CACNG8: variants seen among roughly 807,000 people sequenced by gnomAD.
The protein encoded by CACNG8 is calcium voltage-gated channel auxiliary subunit gamma 8, also known as voltage-dependent calcium channel gamma-8 subunit.
Under a neutral mutation model 26.9 loss-of-function variants are expected in CACNG8, and 5 were observed. The ratio of observed to expected loss-of-function variants is 0.19; its 90% confidence interval spans 0.10 to 0.39. The LOEUF is 0.39. Among genes scored for constraint, CACNG8 ranks in the 10% least tolerant of loss-of-function variants. The pLI, the probability that CACNG8 is intolerant of heterozygous loss-of-function variation, is 1.00. For missense variants in CACNG8, 473 were observed against 609.4 expected (o/e 0.78, Z 2.36); for synonymous variants, 321 against 296.7 (o/e 1.08, Z -0.84).
intron 1 of CACNG8, among the ~76,000 whole-genome samples, chr19:53,976,022 C>T (rs543353336): frequency 6.6e-6 from 1 of 152,268 alleles, no homozygotes; most frequent in Non-Finnish European, 1.5e-5. Context: ...GCAAGCTGGC[C>T]TATGTAACAC....
intron 1 of CACNG8, among the ~76,000 whole-genome samples, chr19:53,972,518 T>C (rs1435934183): frequency 6.6e-6 from 1 of 151,554 alleles, no homozygotes. Flanking sequence ...CCTGCCACCA[T>C]GCCTGGCTAA....
rs1474202362 is a variant in CACNG8 at position 53,986,247 on chromosome 19, G to A, written c.*3398G>A. The A allele has an allele frequency of 1.3e-5, 2 of 152,444 alleles. No homozygotes were observed. The highest frequency in any genetic ancestry group is 4.8e-5 in the African/African-American group (2 of 41,418). 9.4% of individuals were successfully genotyped at this position (152,444 alleles called of 1,614,324 possible). ...ACGTGGAGACTCAGAAGCAAGCGCA[G>A]CGTCAAGGAATGCTCCATTTCTGGT... On this transcript the variant is annotated 3_prime_UTR_variant, in exon 4 of 4. Coordinates refer to ENST00000270458, the MANE Select transcript of CACNG8 (RefSeq NM_031895.6).
At chr19:53,974,198 T>C (rs1446430696) in intron 1 of CACNG8, among the ~76,000 whole-genome samples, 1 of 152,244 alleles carries the variant, frequency 6.6e-6, no homozygotes, top group Non-Finnish European at 1.5e-5. Flanking sequence ...ATAAGTGGAA[T>C]GACACAGTAT....
Position 53,987,600 on chromosome 19 carries a change from A to T in CACNG8, c.*4751A>T, listed in dbSNP as rs189049509. 6.6e-6 allele frequency: 1 copy of T among 152,486 alleles called. No homozygotes were observed. Among genetic ancestry groups the T allele is most frequent in the East Asian group, 1.9e-4 (1 of 5,162 alleles). 9.4% of individuals were successfully genotyped at this position (152,486 alleles called of 1,614,324 possible). On this transcript the variant is annotated 3_prime_UTR_variant, in exon 4 of 4. Transcript: ENST00000270458. ...ACTGGATGTCATAGAGGAGGGAAGG[A>T]AAAGGAACCAGGAAGAGAAGAACTC... is the stretch of plus-strand genomic sequence containing the variant.
chr19:53,969,952 C>G (rs62145087), intron 1 of CACNG8, among the ~76,000 whole-genome samples: 5 of 150,148 alleles, frequency 3.3e-5, no homozygotes, highest in African/African-American at 1.2e-4. Flanking sequence ...GTCAACATGG[C>G]GAAACCCTGT....
In CACNG8 at chr19:53,988,288, G is replaced by GTGTA; in HGVS notation, c.*5442_*5443insATGT. On this transcript the variant is annotated 3_prime_UTR_variant, in exon 4 of 4. Transcript: ENST00000270458. ...TTCAGGCAAGTGTGTGTGTGTGTGT[G>GTGTA]TGTGTGTGTGTGTGTGTAACTGACA... The GTGTA allele has an allele frequency of 6.6e-6, 1 of 152,234 alleles. No individual in the cohort carries two copies. The highest frequency in any genetic ancestry group is 6.6e-5 in the Admixed American group (1 of 15,228). 9.4% of individuals were successfully genotyped at this position (152,234 alleles called of 1,614,324 possible).
chr19:53,966,213 G>A (rs2069271748), intron 1 of CACNG8, among the ~76,000 whole-genome samples: 2 of 151,564 alleles, frequency 1.3e-5, no homozygotes, highest in Admixed American at 6.6e-5. Flanking sequence ...TCAGCCTCCC[G>A]AGTAGCTGGA....
At chr19:53,972,814 G>C (rs1028765063) in intron 1 of CACNG8, among the ~76,000 whole-genome samples, 7 of 152,152 alleles carry the variant, frequency 4.6e-5, no homozygotes, top group Non-Finnish European at 1.0e-4. Context: ...TGTCCAGAGA[G>C]TTGGATTCCA....
intron 2 of CACNG8, 97 bp from the exon 3 acceptor site, chr19:53,979,770 G>A: frequency 7.6e-7 from 1 of 1,319,020 alleles, no homozygotes; most frequent in Non-Finnish European, 1.0e-6. Context: ...AGAACTGTCG[G>A]GAGGCGCCGC....
rs2069397648 is a variant in CACNG8, at chr19:53,984,870, T to G, written c.*2021T>G. 1 of 152,040 alleles carries G rather than the reference T, an allele frequency of 6.6e-6. No individual in the cohort carries two copies. The highest frequency in any genetic ancestry group is 1.5e-5 in the Non-Finnish European group (1 of 68,090). The allele number at this position is 152,040 out of a possible 1,614,324, so 9.4% of individuals were successfully genotyped here. On this transcript the variant is annotated 3_prime_UTR_variant, in exon 4 of 4. Transcript: ENST00000270458. ...CAGGAGGCTGAGGGAGGAGGACCATTTGACTCCAAGAGTTCGAGGCTGCAG... is the reference window on the plus strand; with the variant it reads ...CAGGAGGCTGAGGGAGGAGGACCATGTGACTCCAAGAGTTCGAGGCTGCAG...
At chr19:53,965,729 C>T (rs913467834) in intron 1 of CACNG8, among the ~76,000 whole-genome samples, 1 of 149,054 alleles carries the variant, frequency 6.7e-6, no homozygotes. Flanking sequence ...GAGGTAAAGT[C>T]AACCTTTAGG....
chr19:53,963,299 A>C lies in CACNG8; in HGVS notation c.157A>C (p.Asn53His). ...GCTCTACACGCGCGCCCTCATCTGC[A>C]ACACCACCAACCTCACGGCCGGCGG... The change falls in exon 1 of 4, where the codon AAC becomes CAC. Residue 53 changes from asparagine to histidine, a missense_variant. Around this residue, in one of 6 missense-constraint regions of CACNG8, gnomAD observed 69 missense variants for 66.7 expected, o/e 1.03. Transcript: ENST00000270458. 6.2e-7 allele frequency: 1 copy of C among 1,607,650 alleles called. No individual in the cohort carries two copies. The highest frequency in any genetic ancestry group is 8.5e-7 in the Non-Finnish European group (1 of 1,178,954).
chr19:53,985,890 A>G lies in CACNG8; in HGVS notation c.*3041A>G, dbSNP rs1309418642. 2 of 151,564 alleles carry G rather than the reference A, an allele frequency of 1.3e-5. No homozygotes were observed. The highest frequency in any genetic ancestry group is 2.9e-5 in the Non-Finnish European group (2 of 68,034). 9.4% of individuals were successfully genotyped at this position (151,564 alleles called of 1,614,324 possible). A position where few individuals can be genotyped will look rare whatever the true frequency, so the allele number is the denominator to read the frequency against. On this transcript the variant is annotated 3_prime_UTR_variant, in exon 4 of 4. Coordinates refer to ENST00000270458, the MANE Select transcript of CACNG8 (RefSeq NM_031895.6). ...AATATTTGCTGGAAGAGGGAGAGGG[A>G]ACTGGTTAGGGGAGAATGGATTCTA...
At position 53,989,546 on chromosome 19, in the gene CACNG8, C is replaced by T. The variant is rs1402615573; in HGVS notation, c.*6697C>T. 1 of 152,226 alleles carries T rather than the reference C, an allele frequency of 6.6e-6. No individual in the cohort carries two copies. Among genetic ancestry groups the T allele is most frequent in the Non-Finnish European group, 1.5e-5 (1 of 68,048 alleles). The allele number at this position is 152,226 out of a possible 1,614,324, so 9.4% of individuals were successfully genotyped here. A position where few individuals can be genotyped will look rare whatever the true frequency, so the allele number is the denominator to read the frequency against. Reference sequence around the variant, plus strand: ...TCCTGAGGACTTCCAAGTACAAGGCCCTGCAATCTCAGGCCACTTCTGTCC... The same window carrying T: ...TCCTGAGGACTTCCAAGTACAAGGCTCTGCAATCTCAGGCCACTTCTGTCC... On this transcript the variant is annotated 3_prime_UTR_variant, in exon 4 of 4. Transcript: ENST00000270458.
chr19:53,974,951 A>T (rs972619827), intron 1 of CACNG8, among the ~76,000 whole-genome samples: 7 of 139,492 alleles, frequency 5.0e-5, no homozygotes, highest in East Asian at 4.3e-4. Flanking sequence ...ATTTTATTTT[A>T]TTTTTTTATT....
At chr19:53,979,249 G>A (rs2069349644) in intron 2 of CACNG8, among the ~76,000 whole-genome samples, 1 of 148,918 alleles carries the variant, frequency 6.7e-6, no homozygotes, top group East Asian at 2.0e-4. Context: ...GCAGATAAGA[G>A]GAGAGAGGGG....
chr19:53,964,810 C>T (rs1368570716), intron 1 of CACNG8, among the ~76,000 whole-genome samples: 1 of 152,164 alleles, frequency 6.6e-6, no homozygotes, highest in Non-Finnish European at 1.5e-5. Context: ...TGCATATCTG[C>T]CCTGCTGTGT....
chr19:53,965,267 C>T (rs1174287269), intron 1 of CACNG8, among the ~76,000 whole-genome samples: 6 of 152,116 alleles, frequency 3.9e-5, no homozygotes, highest in Non-Finnish European at 7.4e-5. Context: ...TTCTGATTTC[C>T]GGCTTCTTCT....
chr19:53,971,565 C>G (rs1257129700), intron 1 of CACNG8, among the ~76,000 whole-genome samples: 6 of 152,206 alleles, frequency 3.9e-5, no homozygotes, highest in Admixed American at 2.6e-4. Flanking sequence ...AGCTTGTGCC[C>G]CCTCCTCAGG....
Sources: gnomAD v4.1 joint callset for allele counts (sites outside exome capture counted in the v4.1 genomes callset) on GRCh38, gnomAD v4.1.1 for gene constraint, gnomAD v4.1.1 regional missense constraint, MANE v1.5 for transcripts, NCBI Gene and HGNC (gene_info 2026-07-23, HGNC 2026-07-21) for gene names.